PRKCA: variants seen among roughly 807,000 people sequenced by gnomAD.
PRKCA encodes protein kinase C alpha.
A neutral mutation model predicts 87.0 loss-of-function variants in PRKCA; 27 were observed. The ratio of observed to expected loss-of-function variants is 0.31; its 90% CI spans 0.23 to 0.43. The LOEUF is 0.43. Among genes scored for constraint, PRKCA ranks in the 20% least tolerant of loss-of-function variants. PRKCA has a pLI of 1.00. For synonymous variants in PRKCA, 329 were observed against 311.1 expected (o/e 1.06, Z -0.61); for missense variants, 518 against 852.3 (o/e 0.61, Z 4.88).
intron 2 of PRKCA, among the ~76,000 whole-genome samples, chr17:66,486,778 A>T (rs999776808): frequency 6.6e-5 from 10 of 152,064 alleles, no homozygotes; most frequent in Admixed American, 6.5e-4. Context: ...TACTTTTCTC[A>T]AATTGAGACC....
intron 2 of PRKCA, among the ~76,000 whole-genome samples, chr17:66,493,514 A>C (rs888530097): frequency 6.6e-5 from 10 of 152,018 alleles, no homozygotes; most frequent in African/African-American, 2.2e-4. Flanking sequence ...GCCTTGGGAA[A>C]GACCATCCTT....
At chr17:66,772,537 G>C (rs1272279857) in intron 13 of PRKCA, among the ~76,000 whole-genome samples, 1 of 152,062 alleles carries the variant, frequency 6.6e-6, no homozygotes, top group Non-Finnish European at 1.5e-5. Flanking sequence ...AGTAAAAGTT[G>C]TAAGCGAAAT....
chr17:66,319,126 C>T (rs1567769678), intron 2 of PRKCA, among the ~76,000 whole-genome samples: 1 of 151,916 alleles, frequency 6.6e-6, no homozygotes, highest in Non-Finnish European at 1.5e-5. Flanking sequence ...AGACCCTGTC[C>T]CCTCCACCCC....
At chr17:66,642,479 A>T (rs1971326109) in intron 4 of PRKCA, among the ~76,000 whole-genome samples, 1 of 152,154 alleles carries the variant, frequency 6.6e-6, no homozygotes, top group East Asian at 1.9e-4. Flanking sequence ...GTTTGTTTAA[A>T]TACAAGCTGA....
rs1598724139 is a variant in PRKCA at position 66,501,061 on chromosome 17, G to A, written c.288+4778G>A. On this transcript the variant is annotated intron_variant, in intron 3 of 16. Coordinates refer to ENST00000413366, the MANE Select transcript of PRKCA (RefSeq NM_002737.3). Reference sequence around the variant, plus strand: ...GGCAGACTCTAACACATTCACAGACGGGGAAAAAGAAGGTACAATCCTTGT... The same window carrying A: ...GGCAGACTCTAACACATTCACAGACAGGGAAAAAGAAGGTACAATCCTTGT... 2.6e-5 allele frequency among the ~76,000 whole-genome samples: 4 copies of A among 151,978 alleles called. No homozygotes were observed. In the East Asian group the frequency reaches 5.8e-4, roughly 22 times the overall value.
intron 2 of PRKCA, among the ~76,000 whole-genome samples, chr17:66,460,229 G>A (rs1177236296): frequency 6.6e-6 from 1 of 152,190 alleles, no homozygotes; most frequent in Non-Finnish European, 1.5e-5. Flanking sequence ...GAAGTGCCTA[G>A]CAGAGTTGAA....
chr17:66,482,023 C>T lies in PRKCA; in HGVS notation c.206-14178C>T, dbSNP rs549677333. On this transcript the variant is annotated intron_variant, in intron 2 of 16. Coordinates refer to ENST00000413366, the MANE Select transcript of PRKCA (RefSeq NM_002737.3). Reference sequence around the variant, plus strand: ...GGCTGAGGCAGGAGAATCACTTGAACCTGGGAGGCGGAGGTTGCAGTGAGC... The same window carrying T: ...GGCTGAGGCAGGAGAATCACTTGAATCTGGGAGGCGGAGGTTGCAGTGAGC... 8.9e-5 allele frequency among the ~76,000 whole-genome samples: 13 copies of T among 145,252 alleles called. No homozygotes were observed. The Admixed American group carries it at 9.5e-4, about 11-fold the overall frequency.
chr17:66,409,145 G>A (rs1911618513), intron 2 of PRKCA, among the ~76,000 whole-genome samples: 1 of 152,054 alleles, frequency 6.6e-6, no homozygotes, highest in Admixed American at 6.6e-5. Context: ...AAGGCTTGAG[G>A]GAGTTTAGGA....
At position 66,807,535 on chromosome 17, in the gene PRKCA, C is replaced by T. The variant is rs936133840; in HGVS notation, c.*3498C>T. ...AACCACAGGAGTCAAAATTATTGCTCCGGCAGTGCTTCCCTTCCTTTCATC... is the reference window on the plus strand; with the variant it reads ...AACCACAGGAGTCAAAATTATTGCTTCGGCAGTGCTTCCCTTCCTTTCATC... On this transcript the variant is annotated 3_prime_UTR_variant, in exon 17 of 17. Transcript: ENST00000413366. This position sits in a 1 kb window ranked among gnomAD's most constrained non-coding sequence, Gnocchi z 4.3. 2.6e-5 allele frequency: 4 copies of T among 152,238 alleles called. No individual in the cohort carries two copies. Among genetic ancestry groups the T allele is most frequent in the Non-Finnish European group, 5.9e-5 (4 of 68,050 alleles). 9.4% of individuals were successfully genotyped at this position (152,238 alleles called of 1,614,324 possible). A position where few individuals can be genotyped will look rare whatever the true frequency, so the allele number is the denominator to read the frequency against.
chr17:66,653,990 G>A (rs564457379), intron 5 of PRKCA, among the ~76,000 whole-genome samples: 1 of 152,336 alleles, frequency 6.6e-6, no homozygotes, highest in African/African-American at 2.4e-5. Context: ...AATTCTGAAA[G>A]TGATAGGCAT....
chr17:66,465,614 G>A (rs1028084635), intron 2 of PRKCA, among the ~76,000 whole-genome samples: 4 of 151,322 alleles, frequency 2.6e-5, no homozygotes, highest in African/African-American at 9.7e-5. Context: ...GTCCAAGCTG[G>A]TCTCACACTC....
chr17:66,610,024 GATAAGGGTTCAGTCCCAC>G (rs1970309159), intron 3 of PRKCA, among the ~76,000 whole-genome samples: 1 of 152,052 alleles, frequency 6.6e-6, no homozygotes. Context: ...GGTCCGACAA[GATAAGGGTTCAGTCCCAC>G]AACACTGCCC....
At chr17:66,473,940 C>CAA (rs543676511) in intron 2 of PRKCA, among the ~76,000 whole-genome samples, 2 of 149,752 alleles carry the variant, frequency 1.3e-5, no homozygotes, top group Admixed American at 6.7e-5. Flanking sequence ...AACTCCATCT[C>CAA]AAAAAAAAAC....
At chr17:66,567,641 C>G (rs946104463) in intron 3 of PRKCA, among the ~76,000 whole-genome samples, 1 of 152,206 alleles carries the variant, frequency 6.6e-6, no homozygotes, top group Non-Finnish European at 1.5e-5. Context: ...TCTCTCCTCC[C>G]TACCCTCTGT....
chr17:66,620,626 G>T (rs939353771), intron 3 of PRKCA, among the ~76,000 whole-genome samples: 2 of 152,220 alleles, frequency 1.3e-5, no homozygotes, highest in African/African-American at 4.8e-5. Flanking sequence ...AGGCCTAGCA[G>T]TGTCTGCTAC....
At position 66,311,427 on chromosome 17, in the gene PRKCA, G is replaced by A. The variant is rs557996567; in HGVS notation, c.205+5300G>A. Among the ~76,000 whole-genome samples the A allele has an allele frequency of 6.6e-5, 10 of 152,206 alleles. No homozygotes were observed. The East Asian group carries it at 1.6e-3, about 24-fold the overall frequency. On this transcript the variant is annotated intron_variant, in intron 2 of 16. Coordinates refer to ENST00000413366, the MANE Select transcript of PRKCA (RefSeq NM_002737.3). ...GCCCAGAACTTTAAGACCAGCCCGG[G>A]CAACATGGCAAAACCCCATCGCTAC...
At chr17:66,316,028 C>G (rs1429107738) in intron 2 of PRKCA, among the ~76,000 whole-genome samples, 1 of 152,140 alleles carries the variant, frequency 6.6e-6, no homozygotes, top group Non-Finnish European at 1.5e-5. Flanking sequence ...TTGAGCTCAT[C>G]AGGAGATGGC....
chr17:66,305,403 G>A (rs1904762396), intron 1 of PRKCA, among the ~76,000 whole-genome samples: 2 of 152,170 alleles, frequency 1.3e-5, no homozygotes, highest in South Asian at 4.1e-4. Context: ...CATTCTGGTA[G>A]AACAATACCT....
chr17:66,305,823 A>G (rs1485705744), intron 1 of PRKCA, among the ~76,000 whole-genome samples: 1 of 152,206 alleles, frequency 6.6e-6, no homozygotes, highest in Non-Finnish European at 1.5e-5. Flanking sequence ...CTTGTCTTGA[A>G]ATTTTAGTAT....
Sources: allele counts gnomAD v4.1 joint callset (sites outside exome capture counted in the v4.1 genomes callset), GRCh38; gene constraint gnomAD v4.1.1; non-coding constraint Gnocchi (gnomAD v3.1); transcripts MANE v1.5; gene names NCBI Gene and HGNC (gene_info 2026-07-23, HGNC 2026-07-21).